IL1RAPL1: variants seen among roughly 807,000 people sequenced by gnomAD.
IL1RAPL1 encodes the protein interleukin 1 receptor accessory protein like 1.
Under a neutral mutation model 48.4 loss-of-function variants are expected in IL1RAPL1, and 3 were observed. That is an observed-to-expected ratio of 0.06 (90% CI 0.03 to 0.16). IL1RAPL1 has a LOEUF of 0.16. Ranked by LOEUF, IL1RAPL1 falls within the 10% of genes least tolerant of loss-of-function variation. The pLI, the probability that IL1RAPL1 is intolerant of heterozygous loss-of-function variation, is 1.00. For missense variants in IL1RAPL1, 349 were observed against 530.6 expected (o/e 0.66, Z 3.36); for synonymous variants, 185 against 187.7 (o/e 0.99, Z 0.12).
intron 2 of IL1RAPL1, among the ~76,000 whole-genome samples, chrX:28,867,856 T>C (rs1601937889): frequency 8.9e-6 from 1 of 111,878 alleles, no homozygotes; most frequent in East Asian, 2.8e-4. Flanking sequence ...TTCAGGTATG[T>C]CACTTAATAT....
At chrX:29,791,235 C>G (rs1929623741) in intron 6 of IL1RAPL1, among the ~76,000 whole-genome samples, 1 of 110,530 alleles carries the variant, frequency 9.0e-6, no homozygotes, top group Non-Finnish European at 1.9e-5. Flanking sequence ...AACCCCATTA[C>G]AAGTTTCAAA....
In IL1RAPL1 at chrX:28,596,140, C is replaced by T. The variant is rs750802988; in HGVS notation, c.-25+8093C>T. On this transcript the variant is annotated intron_variant, in intron 1 of 10. Coordinates refer to ENST00000378993, the MANE Select transcript of IL1RAPL1 (RefSeq NM_014271.4). ...ATCAGTAAATCATTACACAAGCAAA[C>T]GCTTAAACACTTACGGATAACAGGT... is the stretch of plus-strand genomic sequence containing the variant. 1.5e-3 allele frequency among the ~76,000 whole-genome samples: 166 copies of T among 111,547 alleles called. 1 individual carries two copies. Among genetic ancestry groups the T allele is most frequent in the Non-Finnish European group, 2.8e-3 (150 of 53,110 alleles).
At chrX:29,138,088 C>T (rs1464660797) in intron 2 of IL1RAPL1, among the ~76,000 whole-genome samples, 3 of 112,247 alleles carry the variant, frequency 2.7e-5, no homozygotes, top group Non-Finnish European at 5.6e-5. Flanking sequence ...TCATGTGCTT[C>T]CATGCCTTAT....
At chrX:29,285,467 G>T (rs1009032911) in intron 3 of IL1RAPL1, among the ~76,000 whole-genome samples, 1 of 94,728 alleles carries the variant, frequency 1.1e-5, no homozygotes, top group Non-Finnish European at 2.0e-5. Context: ...ATGAGGCAGA[G>T]GTTGCAGTGA....
chrX:28,813,705 G>A (rs1425378692), intron 2 of IL1RAPL1, among the ~76,000 whole-genome samples: 2 of 110,772 alleles, frequency 1.8e-5, no homozygotes, highest in South Asian at 3.7e-4. Context: ...AGCTTGATGT[G>A]CTGTTCTTAG....
At chrX:28,981,134 G>GAAA (rs1447065870) in intron 2 of IL1RAPL1, among the ~76,000 whole-genome samples, 1 of 46,435 alleles carries the variant, frequency 2.2e-5, no homozygotes, top group Non-Finnish European at 4.1e-5. Flanking sequence ...AAAAAGGAAA[G>GAAA]AAAGAAAGAA....
chrX:29,553,031 A>G (rs1203192239), intron 5 of IL1RAPL1, among the ~76,000 whole-genome samples: 1 of 110,084 alleles, frequency 9.1e-6, no homozygotes, highest in Non-Finnish European at 1.9e-5. Context: ...ACTTTTTCCT[A>G]TAGCCATCAA....
intron 1 of IL1RAPL1, among the ~76,000 whole-genome samples, chrX:28,657,418 A>C (rs764085151): frequency 7.8e-4 from 87 of 112,130 alleles, no homozygotes; most frequent in African/African-American, 2.8e-3. Context: ...TTTTAAGAGC[A>C]TTTCAGTAGA....
intron 6 of IL1RAPL1, among the ~76,000 whole-genome samples, chrX:29,850,137 T>A (rs756342898): frequency 8.9e-6 from 1 of 112,322 alleles, no homozygotes; most frequent in African/African-American, 3.2e-5. Flanking sequence ...AAAGTAGATT[T>A]TCTTCTTCTT....
intron 6 of IL1RAPL1, among the ~76,000 whole-genome samples, chrX:29,728,596 C>T (rs1270708122): frequency 1.8e-5 from 2 of 112,232 alleles, no homozygotes; most frequent in African/African-American, 3.2e-5. Flanking sequence ...AGCCTCACAA[C>T]CTCCCCCAGA....
chrX:29,832,731 G>A (rs73221611), intron 6 of IL1RAPL1, among the ~76,000 whole-genome samples: 2 of 94,441 alleles, frequency 2.1e-5, no homozygotes, highest in Non-Finnish European at 4.1e-5. Context: ...GGCATGCAAA[G>A]GGACACACAC....
chrX:28,869,653 C>T (rs113790058), intron 2 of IL1RAPL1, among the ~76,000 whole-genome samples: 27 of 111,752 alleles, frequency 2.4e-4, no homozygotes, highest in South Asian at 1.1e-3. Context: ...TTAAAGTGAA[C>T]GCCAATGGCA....
chrX:28,829,869 CA>C (rs1249036413), intron 2 of IL1RAPL1, among the ~76,000 whole-genome samples: 8 of 110,578 alleles, frequency 7.2e-5, no homozygotes, highest in African/African-American at 2.6e-4. Flanking sequence ...GGAATTTTTT[CA>C]GATTTTTTTT....
rs182310281 is a variant in IL1RAPL1, at chrX:29,539,194, A to G, written c.704-129236A>G. 5.5e-4 allele frequency among the ~76,000 whole-genome samples: 62 copies of G among 111,767 alleles called. 2 individuals carry two copies. The Admixed American group carries it at 5.8e-3, about 10-fold the overall frequency. ...ACTAGCAAACTGAATTCAATAGCAC[A>G]TCAAAAAGTTAATTCACCAAGATCA... On this transcript the variant is annotated intron_variant, in intron 5 of 10. Coordinates refer to ENST00000378993, the MANE Select transcript of IL1RAPL1 (RefSeq NM_014271.4).
At chrX:28,768,824 GTATATATATATA>G (rs200366562) in intron 1 of IL1RAPL1, among the ~76,000 whole-genome samples, 1 of 71,219 alleles carries the variant, frequency 1.4e-5, no homozygotes, top group African/African-American at 5.2e-5. Flanking sequence ...ATGTGTGTGT[GTATATATATATA>G]TATATATATA....
chrX:29,442,716 G>A (rs1452697300), intron 5 of IL1RAPL1, among the ~76,000 whole-genome samples: 1 of 109,451 alleles, frequency 9.1e-6, no homozygotes, highest in Non-Finnish European at 1.9e-5. Context: ...AAACTAGCTG[G>A]GTGTGCTGGT....
In IL1RAPL1 at chrX:29,941,546, C is replaced by A; in HGVS notation, c.1058-105C>A. ...GAAAGGGGTTGTGTCAACCCGTTAA[C>A]CCACATCTGATCTCATCCAGGAAAA... On this transcript the variant is annotated intron_variant, in intron 8 of 10. Coordinates refer to ENST00000378993, the MANE Select transcript of IL1RAPL1 (RefSeq NM_014271.4). 1.3e-5 allele frequency: 11 copies of A among 853,336 alleles called. No individual in the cohort carries two copies. The South Asian group carries it at 1.6e-4, about 13-fold the overall frequency. The allele number at this position is 853,336 out of a possible 1,213,427, so 70.3% of individuals were successfully genotyped here.
At chrX:28,687,736 T>C (rs1228409692) in intron 1 of IL1RAPL1, among the ~76,000 whole-genome samples, 2 of 106,887 alleles carry the variant, frequency 1.9e-5, no homozygotes, top group Admixed American at 1.0e-4. Context: ...GAGCGGAGAT[T>C]GCACCACTGC....
intron 3 of IL1RAPL1, among the ~76,000 whole-genome samples, chrX:29,390,566 C>A (rs1377819604): frequency 9.0e-6 from 1 of 111,506 alleles, no homozygotes; most frequent in Non-Finnish European, 1.9e-5. Flanking sequence ...ATATACAGGT[C>A]ATGTGTTTAG....
Sources: allele counts gnomAD v4.1 joint callset (sites outside exome capture counted in the v4.1 genomes callset), GRCh38; gene constraint gnomAD v4.1.1; transcripts MANE v1.5; gene names NCBI Gene and HGNC (gene_info 2026-07-23, HGNC 2026-07-21).